Variants in NDUFAF2 observed in about 807,000 individuals in gnomAD.
NDUFAF2 encodes NADH:ubiquinone oxidoreductase complex assembly factor 2.
Under a neutral mutation model 22.8 loss-of-function variants are expected in NDUFAF2, and 13 were observed. That is an observed-to-expected ratio of 0.57 (90% CI 0.37 to 0.91). NDUFAF2 has a LOEUF of 0.91. Among genes scored for constraint, NDUFAF2 ranks in the 40% least tolerant of loss-of-function variants. The probability of loss-of-function intolerance (pLI) is 0.01; values close to 1 mark genes in which losing one functional copy is unlikely to be tolerated. For synonymous variants in NDUFAF2, 53 were observed against 64.2 expected, an observed-to-expected ratio of 0.83 and a Z score of 0.84; for missense variants, 162 against 195.2, an observed-to-expected ratio of 0.83 and a Z score of 1.01.
At chr5:60,977,101 T>A (rs954505383) in intron 1 of NDUFAF2, among the ~76,000 whole-genome samples, 2 of 152,030 alleles carry the variant, frequency 1.3e-5, no homozygotes, top group Non-Finnish European at 2.9e-5. Context: ...ATATTAAAAA[T>A]TAATATAATA....
At chr5:61,081,257 C>G (rs1373504728) in intron 2 of NDUFAF2, among the ~76,000 whole-genome samples, 1 of 152,118 alleles carries the variant, frequency 6.6e-6, no homozygotes, top group African/African-American at 2.4e-5. Context: ...CATTTTGAGT[C>G]TGCCAACTTC....
rs751044944 is a variant in NDUFAF2, at chr5:61,073,183, T to C, written c.186T>C (p.Tyr62=). 1 of 1,613,266 alleles carries C rather than the reference T, an allele frequency of 6.2e-7. No homozygotes were observed. Among genetic ancestry groups the C allele is most frequent in the South Asian group, 1.1e-5 (1 of 91,080 alleles). The part of the protein sequence containing the change: ...VEAANKKEVD[Y]EAGDIPTEWE... ...CAGCAAATAAAAAAGAAGTAGACTA[T>C]GAAGCAGGGGATATTCCAACAGAAT... The change falls in exon 2 of 4, where the codon TAT becomes TAC. Residue 62 remains tyrosine, a synonymous_variant. Transcript: ENST00000296597.
chr5:60,964,242 C>A (rs186233977), intron 1 of NDUFAF2, among the ~76,000 whole-genome samples: 1 of 152,076 alleles, frequency 6.6e-6, no homozygotes, highest in Admixed American at 6.5e-5. Context: ...ACTGTTATAC[C>A]ACATTTGGTT....
intron 2 of NDUFAF2, among the ~76,000 whole-genome samples, chr5:61,097,388 G>A (rs1290863093): frequency 7.1e-6 from 1 of 140,258 alleles, no homozygotes; most frequent in Non-Finnish European, 1.6e-5. Flanking sequence ...CTAACACAAA[G>A]CTTACTTTAT....
intron 1 of NDUFAF2, among the ~76,000 whole-genome samples, chr5:60,995,075 A>G (rs528942439): frequency 2.8e-4 from 43 of 152,178 alleles, no homozygotes; most frequent in Non-Finnish European, 5.3e-4. Context: ...ACTATATCTG[A>G]TAGAATTTCT....
At chr5:60,993,347 A>G (rs1264051890) in intron 1 of NDUFAF2, among the ~76,000 whole-genome samples, 1 of 152,160 alleles carries the variant, frequency 6.6e-6, no homozygotes, top group Non-Finnish European at 1.5e-5. Context: ...CTCCCTGAAG[A>G]GTTGCAGCTC....
intron 3 of NDUFAF2, among the ~76,000 whole-genome samples, chr5:61,150,179 G>A (rs1397896833): frequency 2.0e-5 from 3 of 152,044 alleles, no homozygotes; most frequent in African/African-American, 7.2e-5. Context: ...TGATCTGCCC[G>A]CCTCGGCCTC....
chr5:61,121,841 C>CTT (rs372908819), intron 3 of NDUFAF2, among the ~76,000 whole-genome samples: 99 of 138,488 alleles, frequency 7.1e-4, no homozygotes, highest in Non-Finnish European at 1.0e-3. Context: ...TTTTTTTTTT[C>CTT]TTTTTTTTTT....
At chr5:61,042,084 T>C (rs936963076) in intron 1 of NDUFAF2, among the ~76,000 whole-genome samples, 93 of 152,328 alleles carry the variant, frequency 6.1e-4, no homozygotes, top group African/African-American at 2.2e-3. Context: ...TTTGTACTTT[T>C]GGACTTAGAA....
intron 2 of NDUFAF2, among the ~76,000 whole-genome samples, chr5:61,074,441 G>C (rs546917243): frequency 6.6e-6 from 1 of 152,256 alleles, no homozygotes; most frequent in South Asian, 2.1e-4. Flanking sequence ...ACAAAAATTA[G>C]CTGGGCATGG....
intron 2 of NDUFAF2, among the ~76,000 whole-genome samples, chr5:61,091,711 A>G (rs576731812): frequency 1.3e-5 from 2 of 152,192 alleles, no homozygotes; most frequent in Admixed American, 6.5e-5. Flanking sequence ...TTTTGTTGCA[A>G]TTGCAACAAA....
intron 1 of NDUFAF2, among the ~76,000 whole-genome samples, chr5:61,001,584 G>A (rs1279544720): frequency 1.3e-5 from 2 of 152,062 alleles, no homozygotes; most frequent in East Asian, 1.9e-4. Context: ...AGTTTGATTA[G>A]AAATCATGTC....
intron 1 of NDUFAF2, among the ~76,000 whole-genome samples, chr5:61,053,894 G>T (rs931130493): frequency 2.0e-5 from 3 of 152,018 alleles, no homozygotes; most frequent in Non-Finnish European, 2.9e-5. Flanking sequence ...TTGTCAGGGA[G>T]GGAAATAGTA....
chr5:61,127,275 A>G (rs1390755108), intron 3 of NDUFAF2, among the ~76,000 whole-genome samples: 2 of 152,172 alleles, frequency 1.3e-5, no homozygotes, highest in Non-Finnish European at 2.9e-5. Context: ...AATCCTCCCT[A>G]ACTCATTTTA....
chr5:60,978,648 C>G (rs1298999717), intron 1 of NDUFAF2, among the ~76,000 whole-genome samples: 1 of 152,148 alleles, frequency 6.6e-6, no homozygotes, highest in East Asian at 1.9e-4. Flanking sequence ...CCACCAGGTC[C>G]CATCTCCAAC....
At chr5:61,105,336 A>G (rs1752749074) in intron 3 of NDUFAF2, among the ~76,000 whole-genome samples, 1 of 151,392 alleles carries the variant, frequency 6.6e-6, no homozygotes. Flanking sequence ...TTCATTTTAT[A>G]AGTTACAGAA....
At chr5:61,135,420 A>G (rs905794975) in intron 3 of NDUFAF2, among the ~76,000 whole-genome samples, 1 of 152,222 alleles carries the variant, frequency 6.6e-6, no homozygotes, top group Non-Finnish European at 1.5e-5. Context: ...CTGGCCAAAG[A>G]TGGGTCAAGT....
chr5:61,000,495 A>G (rs925903924), intron 1 of NDUFAF2, among the ~76,000 whole-genome samples: 1 of 152,166 alleles, frequency 6.6e-6, no homozygotes, highest in Non-Finnish European at 1.5e-5. Flanking sequence ...ATGACATGTT[A>G]ATATTATGTT....
intron 2 of NDUFAF2, among the ~76,000 whole-genome samples, chr5:61,075,456 G>C (rs1219318342): frequency 6.6e-6 from 1 of 152,158 alleles, no homozygotes; most frequent in Non-Finnish European, 1.5e-5. Context: ...ACTCTCCAGT[G>C]TTATAAACTA....
Sources: gnomAD v4.1 joint callset for allele counts (sites outside exome capture counted in the v4.1 genomes callset) on GRCh38, gnomAD v4.1.1 for gene constraint, MANE v1.5 for transcripts, NCBI Gene and HGNC (gene_info 2026-07-23, HGNC 2026-07-21) for gene names.